Variants in PPP2R3A observed in about 807,000 individuals in gnomAD.
The protein encoded by PPP2R3A is serine/threonine-protein phosphatase 2A regulatory subunit B'' subunit alpha.
Under a neutral mutation model 106.9 loss-of-function variants are expected in PPP2R3A, and 80 were observed. That is an observed-to-expected ratio of 0.75 (90% confidence interval 0.62 to 0.90). The LOEUF (loss-of-function observed/expected upper bound fraction) is 0.90. Ranked by LOEUF, PPP2R3A falls within the 40% of genes least tolerant of loss-of-function variation. The pLI, the probability that PPP2R3A is intolerant of heterozygous loss-of-function variation, is 0.00. For missense variants in PPP2R3A, 1,386 were observed against 1,350.4 expected, an observed-to-expected ratio of 1.03 and a Z score of -0.41; for synonymous variants, 483 against 468.3, an observed-to-expected ratio of 1.03 and a Z score of -0.41.
chr3:136,101,917 T>C lies in PPP2R3A; in HGVS notation c.2928-90T>C, dbSNP rs1275910914. The C allele has an allele frequency of 8.3e-6, 11 of 1,329,882 alleles. No homozygotes were observed. The South Asian group carries it at 1.1e-4, about 13-fold the overall frequency. The allele number at this position is 1,329,882 out of a possible 1,614,324, so 82.4% of individuals were successfully genotyped here. On this transcript the variant is annotated intron_variant, in intron 10 of 13. Transcript: ENST00000264977. ...ATCTAAGCCTGAAGTGTATGTAATA[T>C]GTAACTTTTACTTTAAAAGAAACAT...
intron 13 of PPP2R3A, among the ~76,000 whole-genome samples, chr3:136,114,452 G>A (rs1937662002): frequency 6.6e-6 from 1 of 152,186 alleles, no homozygotes; most frequent in African/African-American, 2.4e-5. Flanking sequence ...CACTCCCCTG[G>A]AAGGGGGCTC....
intron 5 of PPP2R3A, among the ~76,000 whole-genome samples, chr3:136,059,661 T>C (rs189928279): frequency 3.3e-4 from 50 of 152,320 alleles, no homozygotes; most frequent in African/African-American, 1.2e-3. Context: ...CATTCTCTTA[T>C]GAAGAGACAT....
At chr3:136,036,868 A>G (rs74452036) in intron 3 of PPP2R3A, among the ~76,000 whole-genome samples, 14 of 152,318 alleles carry the variant, frequency 9.2e-5, no homozygotes, top group African/African-American at 3.4e-4. Flanking sequence ...ATTGCAGTCT[A>G]TTAGTACTCA....
chr3:136,136,232 C>T (rs944852507), intron 13 of PPP2R3A, among the ~76,000 whole-genome samples: 1 of 151,868 alleles, frequency 6.6e-6, no homozygotes, highest in Non-Finnish European at 1.5e-5. Flanking sequence ...CGACTTGGCA[C>T]ACTGAGCTGT....
At chr3:136,011,220 GT>G (rs144834122) in intron 2 of PPP2R3A, among the ~76,000 whole-genome samples, 106 of 150,078 alleles carry the variant, frequency 7.1e-4, no homozygotes, top group Non-Finnish European at 1.2e-3. Flanking sequence ...CCCCTCTACT[GT>G]TTTTTTTTCC....
intron 1 of PPP2R3A, among the ~76,000 whole-genome samples, chr3:135,999,952 C>T (rs1933556081): frequency 6.6e-6 from 1 of 151,934 alleles, no homozygotes; most frequent in Non-Finnish European, 1.5e-5. Flanking sequence ...CTTGCTTTCT[C>T]TGCTCCACCC....
chr3:136,033,973 A>G (rs1934996808), intron 3 of PPP2R3A, among the ~76,000 whole-genome samples: 1 of 141,692 alleles, frequency 7.1e-6, no homozygotes. Flanking sequence ...TGTTTCTCTA[A>G]TTCCTTGAGG....
At chr3:135,981,465 C>T (rs1388712495) in intron 1 of PPP2R3A, among the ~76,000 whole-genome samples, 1 of 151,820 alleles carries the variant, frequency 6.6e-6, no homozygotes, top group Admixed American at 6.6e-5. Flanking sequence ...TTAGCCCTTC[C>T]TTAAAACTGA....
At chr3:136,042,067 A>G (rs1935307180) in intron 4 of PPP2R3A, among the ~76,000 whole-genome samples, 1 of 152,204 alleles carries the variant, frequency 6.6e-6, no homozygotes, top group South Asian at 2.1e-4. Flanking sequence ...TTTAACATCA[A>G]CCTATAATAG....
chr3:136,122,646 CTATT>C (rs1182884808), intron 13 of PPP2R3A, among the ~76,000 whole-genome samples: 3 of 152,258 alleles, frequency 2.0e-5, no homozygotes, highest in African/African-American at 7.2e-5. Context: ...ACAAAAAAAT[CTATT>C]TATACATACA....
intron 1 of PPP2R3A, among the ~76,000 whole-genome samples, chr3:135,993,814 G>C (rs953136084): frequency 6.6e-6 from 1 of 152,134 alleles, no homozygotes; most frequent in Non-Finnish European, 1.5e-5. Flanking sequence ...TCGAAACTAA[G>C]TGCTAAATGA....
At chr3:136,011,866 G>A (rs74998705) in intron 2 of PPP2R3A, among the ~76,000 whole-genome samples, 1,886 of 152,176 alleles carry the variant, frequency 0.012, 33 homozygotes, top group African/African-American at 0.038. Context: ...CGTATTTGTC[G>A]TACTTCCAGC....
At chr3:136,057,305 T>C (rs1935902689) in intron 5 of PPP2R3A, among the ~76,000 whole-genome samples, 2 of 152,168 alleles carry the variant, frequency 1.3e-5, no homozygotes. Context: ...ATACAGTGTA[T>C]ATATACACAA....
Position 136,144,863 on chromosome 3 carries a change from A to G in PPP2R3A, c.3330-180A>G, listed in dbSNP as rs79113608. Among the ~76,000 whole-genome samples the G allele has an allele frequency of 7.5e-3, 1,140 of 152,308 alleles. 18 individuals carry two copies. The highest frequency in any genetic ancestry group is 0.026 in the African/African-American group (1,076 of 41,564). ...ACTTAAGCTTTAAGGAACAGGGAGA[A>G]GAATGTGTTTTCTGCTCTAGAGTGT... On this transcript the variant is annotated intron_variant, in intron 13 of 13. Transcript: ENST00000264977.
Position 136,078,451 on chromosome 3 carries a change from C to A in PPP2R3A, c.2629C>A (p.Gln877Lys), listed in dbSNP as rs771624469. The change falls in exon 7 of 14, where the codon CAA (glutamine) becomes AAA (lysine). Residue 877 changes from glutamine to lysine, a missense_variant and splice_region_variant. Coordinates refer to ENST00000264977, the MANE Select transcript of PPP2R3A (RefSeq NM_002718.5). ...STEIRKSNFL[Q>K]TLALLEEEED... ...AGAGATAAGAAAAAGCAACTTTTTG[C>A]AAGTATGCCTTTCATTAGAATTCAT... 1.9e-6 allele frequency: 3 copies of A among 1,571,938 alleles called. No individual in the cohort carries two copies. The highest frequency in any genetic ancestry group is 1.4e-5 in the African/African-American group (1 of 73,888).
At chr3:136,104,452 A>G (rs1435181956) in intron 12 of PPP2R3A, among the ~76,000 whole-genome samples, 1 of 151,964 alleles carries the variant, frequency 6.6e-6, no homozygotes, top group Non-Finnish European at 1.5e-5. Context: ...GATTACAGGC[A>G]TGCACCACCA....
chr3:136,134,155 AAT>A (rs1938522607), intron 13 of PPP2R3A, among the ~76,000 whole-genome samples: 1 of 152,192 alleles, frequency 6.6e-6, no homozygotes, highest in Non-Finnish European at 1.5e-5. Flanking sequence ...ATGCAGTTAA[AAT>A]ATAGTGTCTT....
At chr3:136,140,467 C>T (rs1227848474) in intron 13 of PPP2R3A, among the ~76,000 whole-genome samples, 7 of 142,872 alleles carry the variant, frequency 4.9e-5, no homozygotes, top group African/African-American at 1.5e-4. Flanking sequence ...AAAAAAAACC[C>T]GGGCTCAGTG....
chr3:136,074,652 G>A (rs1462064491), intron 6 of PPP2R3A, among the ~76,000 whole-genome samples: 1 of 152,246 alleles, frequency 6.6e-6, no homozygotes, highest in Admixed American at 6.5e-5. Flanking sequence ...GCTGGCAGTA[G>A]AGATATTTCT....
Sources: allele counts gnomAD v4.1 joint callset (sites outside exome capture counted in the v4.1 genomes callset), GRCh38; gene constraint gnomAD v4.1.1; transcripts MANE v1.5; gene names NCBI Gene and HGNC (gene_info 2026-07-23, HGNC 2026-07-21).